The following TMEM132B variants were observed in gnomAD, a reference collection of about 807,000 sequenced individuals.
TMEM132B encodes the protein transmembrane protein 132B.
A neutral mutation model predicts 90.8 loss-of-function variants in TMEM132B; 18 were observed. The observed-to-expected ratio is 0.20, with a 90% confidence interval of 0.14 to 0.29. The LOEUF is 0.29. Ranked by LOEUF, TMEM132B falls within the 10% of genes least tolerant of loss-of-function variation. The pLI, the probability that TMEM132B is intolerant of heterozygous loss-of-function variation, is 1.00. For synonymous variants in TMEM132B, 504 were observed against 523.3 expected (o/e 0.96, Z 0.50); for missense variants, 1,096 against 1,326.8 (o/e 0.83, Z 2.70).
At chr12:125,542,186 G>T (rs149106297) in intron 4 of TMEM132B, among the ~76,000 whole-genome samples, 1 of 152,082 alleles carries the variant, frequency 6.6e-6, no homozygotes, top group South Asian at 2.1e-4. Flanking sequence ...ACATTAATGC[G>T]TACCTCTAAC....
rs1183128981 is a variant in TMEM132B, at chr12:125,415,578, G to T, written c.1007G>T (p.Ser336Ile). ...AAGATAACGGCAGTGAGAGTCAGCA[G>T]TGAGGACCAATGGGCAGTCCAGGAG... is the stretch of plus-strand genomic sequence containing the variant. ...GVKITAVRVS[S>I]EDQWAVQEEI... is the part of the protein sequence containing the mutation. Residue 336 changes from serine to isoleucine, a missense_variant, in exon 3 of 9, where the codon AGT becomes ATT. By Grantham distance (142) the Ser-to-Ile change is moderately radical. Coordinates refer to ENST00000682704, the MANE Select transcript of TMEM132B (RefSeq NM_001366854.1). This position sits in a 1 kb window ranked among gnomAD's most constrained non-coding sequence, Gnocchi z 5.3. 1 of 1,614,242 alleles carries T rather than the reference G, an allele frequency of 6.2e-7. No homozygotes were observed. Among genetic ancestry groups the T allele is most frequent in the Admixed American group, 1.7e-5 (1 of 60,026 alleles).
At chr12:125,195,152 G>A (rs1346734889) in intron 1 of TMEM132B, among the ~76,000 whole-genome samples, 1 of 152,026 alleles carries the variant, frequency 6.6e-6, no homozygotes, top group Non-Finnish European at 1.5e-5. Context: ...TCCTGCCTTT[G>A]TCTTCTCCGA....
chr12:125,348,502 T>G (rs960976692), intron 1 of TMEM132B, among the ~76,000 whole-genome samples: 6 of 72,810 alleles, frequency 8.2e-5, no homozygotes, highest in African/African-American at 3.0e-4. Flanking sequence ...TTTTTGTGTT[T>G]TTTTTTTTTT....
intron 5 of TMEM132B, among the ~76,000 whole-genome samples, chr12:125,589,375 G>A (rs962081346): frequency 4.6e-5 from 7 of 150,934 alleles, no homozygotes; most frequent in Admixed American, 3.3e-4. Context: ...CCAGCTACTC[G>A]GGAGGCTGAG....
Position 125,349,307 on chromosome 12 carries a change from T to C in TMEM132B, c.68-145T>C, listed in dbSNP as rs1227534968. 4.7e-6 allele frequency: 4 copies of C among 851,766 alleles called. No individual in the cohort carries two copies. In the East Asian group the frequency reaches 1.0e-4, roughly 22 times the overall value. 52.8% of individuals were successfully genotyped at this position (851,766 alleles called of 1,614,324 possible). Reference sequence around the variant, plus strand: ...TCCTGAAGACCATACTTTATATAATTACAGGGCTTTCACTGTGATGAGACC... The same window carrying C: ...TCCTGAAGACCATACTTTATATAATCACAGGGCTTTCACTGTGATGAGACC... On this transcript the variant is annotated intron_variant, in intron 1 of 8. Transcript: ENST00000682704. The surrounding 1 kb of genome is among the most constrained non-coding windows in gnomAD (Gnocchi z 4.1).
intron 1 of TMEM132B, among the ~76,000 whole-genome samples, chr12:125,207,790 T>C (rs527959694): frequency 1.3e-5 from 2 of 152,360 alleles, no homozygotes; most frequent in East Asian, 1.9e-4. Flanking sequence ...TCTCTATTCA[T>C]TTGAATATAA....
chr12:125,335,838 T>C (rs541637678), intron 1 of TMEM132B, among the ~76,000 whole-genome samples: 3 of 152,094 alleles, frequency 2.0e-5, no homozygotes, highest in African/African-American at 7.2e-5. Context: ...AATACAAACA[T>C]TAGCCAGGTG....
chr12:125,354,571 A>G (rs1877706644), intron 2 of TMEM132B, among the ~76,000 whole-genome samples: 1 of 152,206 alleles, frequency 6.6e-6, no homozygotes, highest in Admixed American at 6.5e-5. Flanking sequence ...TACTGGGATA[A>G]AAAAGGATGC....
Position 125,444,094 on chromosome 12 carries a change from T to C in TMEM132B, c.1106+28417T>C, listed in dbSNP as rs184261340. On this transcript the variant is annotated intron_variant, in intron 3 of 8. Transcript: ENST00000682704. ...AGGTGAAGTTAGGTCATTGCTCTCA[T>C]ATACATACAAAGAACTGGAATCTGT... is the stretch of plus-strand genomic sequence containing the variant. Among the ~76,000 whole-genome samples, 75 of 152,356 alleles carry C rather than the reference T, an allele frequency of 4.9e-4. 3 individuals carry two copies. Among genetic ancestry groups the C allele is most frequent in the Admixed American group, 4.4e-3 (68 of 15,310 alleles).
intron 2 of TMEM132B, among the ~76,000 whole-genome samples, chr12:125,409,500 A>G (rs1452832132): frequency 6.6e-6 from 1 of 152,104 alleles, no homozygotes; most frequent in Non-Finnish European, 1.5e-5. Flanking sequence ...GACTGAGGCG[A>G]GCGAGAAAAA....
intron 1 of TMEM132B, among the ~76,000 whole-genome samples, chr12:125,314,494 T>A (rs1279249705): frequency 3.3e-5 from 5 of 152,142 alleles, no homozygotes; most frequent in Non-Finnish European, 2.9e-5. Flanking sequence ...GTGCTGGGCT[T>A]CCTGGGTTTC....
chr12:125,584,842 A>C (rs1411901317), intron 5 of TMEM132B: 1 of 152,212 alleles, frequency 6.6e-6, no homozygotes, highest in Non-Finnish European at 1.5e-5. Flanking sequence ...AAAGGATTTG[A>C]ATTTTTAGAA....
At chr12:125,536,202 G>C (rs372438934) in intron 4 of TMEM132B, among the ~76,000 whole-genome samples, 3 of 152,206 alleles carry the variant, frequency 2.0e-5, no homozygotes, top group African/African-American at 4.8e-5. Context: ...TCCTTGCAAG[G>C]TGGTGACAGA....
chr12:125,389,376 T>C (rs568126869), intron 2 of TMEM132B, among the ~76,000 whole-genome samples: 1 of 146,284 alleles, frequency 6.8e-6, no homozygotes, highest in Admixed American at 6.8e-5. Flanking sequence ...CCCTTCCTTT[T>C]CATCCTTTCC....
At chr12:125,326,084 G>A (rs1393645691) in intron 1 of TMEM132B, among the ~76,000 whole-genome samples, 1 of 152,174 alleles carries the variant, frequency 6.6e-6, no homozygotes, top group Non-Finnish European at 1.5e-5. Flanking sequence ...ACAGGGAGAG[G>A]GGGACACCCC....
chr12:125,581,873 C>A (rs1018451499), intron 4 of TMEM132B, among the ~76,000 whole-genome samples: 3 of 152,108 alleles, frequency 2.0e-5, no homozygotes, highest in African/African-American at 7.2e-5. Context: ...TGCTTCCAGT[C>A]CTATGTGCTT....
intron 1 of TMEM132B, among the ~76,000 whole-genome samples, chr12:125,334,925 T>C (rs571622619): frequency 9.8e-5 from 15 of 152,358 alleles, no homozygotes; most frequent in Middle Eastern, 3.4e-3. Flanking sequence ...CTTCTGAGCG[T>C]GCGGCCCTGG....
intron 3 of TMEM132B, among the ~76,000 whole-genome samples, chr12:125,423,801 T>G (rs7311338): frequency 6.6e-6 from 1 of 152,154 alleles, no homozygotes; most frequent in Non-Finnish European, 1.5e-5. Flanking sequence ...AATATGTTAT[T>G]TCTGTGCATA....
At chr12:125,572,381 T>C (rs1884820259) in intron 4 of TMEM132B, among the ~76,000 whole-genome samples, 1 of 152,232 alleles carries the variant, frequency 6.6e-6, no homozygotes, top group Non-Finnish European at 1.5e-5. Context: ...AAGAAGTTCA[T>C]TCCTTTTTGC....
Sources: gnomAD v4.1 joint callset for allele counts (sites outside exome capture counted in the v4.1 genomes callset) on GRCh38, gnomAD v4.1.1 for gene constraint, Gnocchi (gnomAD v3.1) non-coding constraint, MANE v1.5 for transcripts, NCBI Gene and HGNC (gene_info 2026-07-23, HGNC 2026-07-21) for gene names.